CD109: variants seen among roughly 807,000 people sequenced by gnomAD.
CD109 encodes the protein CD109 molecule.
Under a neutral mutation model 165.8 loss-of-function variants are expected in CD109, and 149 were observed. The ratio of observed to expected loss-of-function variants is 0.90; its 90% CI spans 0.79 to 1.03. The LOEUF (loss-of-function observed/expected upper bound fraction) is 1.03, where lower values mean the gene tolerates loss of function less well. Ranked by LOEUF, CD109 falls within the 50% of genes least tolerant of loss-of-function variation. The pLI, the probability that CD109 is intolerant of heterozygous loss-of-function variation, is 0.00. For synonymous variants in CD109, 585 were observed against 592.1 expected (o/e 0.99, Z 0.18); for missense variants, 1,712 against 1,677.8 (o/e 1.02, Z -0.36).
chr6:73,715,565 C>CCA (rs1238660514), intron 2 of CD109, among the ~76,000 whole-genome samples: 1 of 71,076 alleles, frequency 1.4e-5, no homozygotes, highest in Non-Finnish European at 3.2e-5. Context: ...ACCCTGTCTC[C>CCA]AAAAAAAAAA....
upstream of CD109, among the ~76,000 whole-genome samples, chr6:73,693,492 T>C (rs1770723082): frequency 6.6e-6 from 1 of 152,212 alleles, no homozygotes; most frequent in Admixed American, 6.5e-5. Flanking sequence ...GCATCAGCTT[T>C]GGGCGACAAA....
At chr6:73,689,023 G>A in the CD109 span, among the ~76,000 whole-genome samples, 217 of 152,172 alleles carry the variant, frequency 1.4e-3, 2 homozygotes, top group East Asian at 0.035. Context: ...TCCTGCCTTG[G>A]CCTCCCAAAG....
chr6:73,690,398 A>AT, the CD109 span, among the ~76,000 whole-genome samples: 4 of 151,928 alleles, frequency 2.6e-5, no homozygotes, highest in African/African-American at 7.3e-5. Flanking sequence ...GGTGATAAAC[A>AT]TTTTTTTTGT....
intron 22 of CD109, among the ~76,000 whole-genome samples, chr6:73,791,298 T>C (rs577365516): frequency 1.3e-4 from 19 of 148,958 alleles, no homozygotes; most frequent in African/African-American, 4.2e-4. Flanking sequence ...TCTGAGCTCA[T>C]GTAGTCCTCC....
intron 5 of CD109, among the ~76,000 whole-genome samples, chr6:73,748,726 G>A (rs1317678554): frequency 2.6e-5 from 4 of 152,222 alleles, no homozygotes; most frequent in African/African-American, 7.2e-5. Flanking sequence ...TTCTGATGCT[G>A]AGTTTGGGTT....
chr6:73,782,857 C>G (rs1774558331), intron 18 of CD109, 102 bp downstream of exon 18: 2 of 1,083,156 alleles, frequency 1.8e-6, no homozygotes, highest in East Asian at 4.9e-5. Flanking sequence ...CATAGTGTAA[C>G]TAAGAACTAA....
At chr6:73,705,936 G>C (rs182132872) in intron 2 of CD109, among the ~76,000 whole-genome samples, 226 of 152,216 alleles carry the variant, frequency 1.5e-3, no homozygotes, top group African/African-American at 5.1e-3. Context: ...GAGGTGGACG[G>C]TCTCTCAAAA....
intron 16 of CD109, among the ~76,000 whole-genome samples, chr6:73,781,041 G>T (rs7738437): frequency 0.38 from 54,703 of 142,554 alleles, 11,040 homozygotes; most frequent in African/African-American, 0.47. Flanking sequence ...AAGATCGATG[G>T]GCATGTGCGT....
intron 15 of CD109, among the ~76,000 whole-genome samples, chr6:73,774,274 T>A (rs1477255907): frequency 6.6e-6 from 1 of 152,240 alleles, no homozygotes. Context: ...GATTCTCTGA[T>A]AATATCTATT....
At chr6:73,704,667 T>G (rs1025694376) in intron 2 of CD109, among the ~76,000 whole-genome samples, 2 of 152,174 alleles carry the variant, frequency 1.3e-5, no homozygotes, top group African/African-American at 2.4e-5. Flanking sequence ...TGAAGAGGGC[T>G]TTATAATGCT....
At chr6:73,680,980 A>G in the CD109 span, among the ~76,000 whole-genome samples, 1 of 152,146 alleles carries the variant, frequency 6.6e-6, no homozygotes, top group Non-Finnish European at 1.5e-5. Flanking sequence ...GTCTAGCTGG[A>G]TTGAGCCTAG....
At chr6:73,761,066 C>A (rs1027549042) in intron 7 of CD109, among the ~76,000 whole-genome samples, 2 of 131,708 alleles carry the variant, frequency 1.5e-5, no homozygotes, top group East Asian at 2.2e-4. Context: ...CACACACACA[C>A]ACACAAACCC....
intron 24 of CD109, chr6:73,804,188 G>A (rs533123349): frequency 6.6e-6 from 1 of 152,354 alleles, no homozygotes; most frequent in South Asian, 2.1e-4. Context: ...CAAAGTAAAA[G>A]AGAACTGTAT....
rs779040600 is a variant in CD109, at chr6:73,762,917, A to C, written c.997+35A>C. 8.4e-6 allele frequency: 13 copies of C among 1,552,900 alleles called. No homozygotes were observed. The Middle Eastern group carries it at 1.2e-3, about 143-fold the overall frequency. On this transcript the variant is annotated intron_variant, in intron 9 of 32. Coordinates refer to ENST00000287097, the MANE Select transcript of CD109 (RefSeq NM_133493.5). The stretch of plus-strand genomic sequence containing the variant: ...CTTTAAAGTGGAGGTAAAACTATTC[A>C]TGTGACACTGCTTTATCATCTTTCT...
intron 2 of CD109, among the ~76,000 whole-genome samples, chr6:73,708,531 G>A (rs963424182): frequency 1.4e-4 from 22 of 152,306 alleles, no homozygotes; most frequent in African/African-American, 5.3e-4. Context: ...GGATGGCTGG[G>A]TCAAATGGTA....
intron 3 of CD109, among the ~76,000 whole-genome samples, chr6:73,725,460 A>G (rs1243106167): frequency 6.8e-6 from 1 of 147,958 alleles, no homozygotes; most frequent in Non-Finnish European, 1.5e-5. Context: ...TATAAACTGT[A>G]CGTGTCTGAG....
Position 73,812,260 on chromosome 6 carries a change from C to T in CD109, c.3758C>T (p.Ala1253Val), listed in dbSNP as rs1470021402. 6.2e-7 allele frequency: 1 copy of T among 1,605,196 alleles called. No homozygotes were observed. Among genetic ancestry groups the T allele is most frequent in the Non-Finnish European group, 8.5e-7 (1 of 1,173,282 alleles). The change falls in exon 29 of 33, where the codon GCT (alanine) becomes GTT (valine). Residue 1253 changes from alanine to valine, a missense_variant. Transcript: ENST00000287097. The part of the protein sequence containing the change: ...VNISANGFGF[A>V]ICQLNVVYNV... ...ATTTCCGCAAATGGTTTTGGATTTG[C>T]TATTTGTCAGGTATGTAACGATGCT...
chr6:73,792,796 A>G lies in CD109; in HGVS notation c.2872A>G (p.Arg958Gly), dbSNP rs768313068. The change falls in exon 23 of 33, where the codon AGG becomes GGG. Residue 958 changes from arginine to glycine, a missense_variant. Transcript: ENST00000287097. ...GAAAGAAAAAGCTCTTTCATTTATGAGGCAAGGTAAGCATTTTAGAGACCT... is the reference window on the plus strand; with the variant it reads ...GAAAGAAAAAGCTCTTTCATTTATGGGGCAAGGTAAGCATTTTAGAGACCT... ...NLKEKALSFM[R>G]QGYQRELLYQ... 9 of 1,606,286 alleles carry G rather than the reference A, an allele frequency of 5.6e-6. No individual in the cohort carries two copies. The highest frequency in any genetic ancestry group is 6.8e-6 in the Non-Finnish European group (8 of 1,178,810).
intron 24 of CD109, among the ~76,000 whole-genome samples, chr6:73,804,417 G>C (rs1349025951): frequency 6.6e-6 from 1 of 152,184 alleles, no homozygotes; most frequent in Non-Finnish European, 1.5e-5. Flanking sequence ...AAGTATTTCA[G>C]GCATTTTGGG....
Sources: allele counts gnomAD v4.1 joint callset (sites outside exome capture counted in the v4.1 genomes callset), GRCh38; gene constraint gnomAD v4.1.1; transcripts MANE v1.5; gene names NCBI Gene and HGNC (gene_info 2026-07-23, HGNC 2026-07-21).